The following PDE4B variants were observed in gnomAD, a reference collection of about 807,000 sequenced individuals.
PDE4B encodes the protein 3',5'-cyclic-AMP phosphodiesterase 4B.
A neutral mutation model predicts 82.2 loss-of-function variants in PDE4B; 20 were observed. The ratio of observed to expected loss-of-function variants is 0.24; its 90% CI spans 0.17 to 0.35. PDE4B has a LOEUF of 0.35. Ranked by LOEUF, PDE4B falls within the 10% of genes least tolerant of loss-of-function variation. The pLI is 1.00. For missense variants in PDE4B, 655 were observed against 907.2 expected (o/e 0.72, Z 3.57); for synonymous variants, 320 against 318.9 (o/e 1.00, Z -0.04).
intron 3 of PDE4B, among the ~76,000 whole-genome samples, chr1:66,096,264 C>G (rs1310816020): frequency 6.6e-6 from 1 of 151,584 alleles, no homozygotes; most frequent in Non-Finnish European, 1.5e-5. Context: ...TGAGAACATG[C>G]AGTTTTTAAC....
intron 7 of PDE4B, among the ~76,000 whole-genome samples, chr1:66,289,617 C>T (rs1325773242): frequency 4.0e-5 from 6 of 151,556 alleles, no homozygotes; most frequent in African/African-American, 7.3e-5. Flanking sequence ...GGCCAGGTCT[C>T]GCAGGATCTT....
intron 3 of PDE4B, among the ~76,000 whole-genome samples, chr1:66,172,882 T>G (rs945377272): frequency 6.6e-6 from 1 of 152,240 alleles, no homozygotes; most frequent in Non-Finnish European, 1.5e-5. Flanking sequence ...ACTTATCCAT[T>G]GAAATGGTTG....
At chr1:65,865,534 A>G (rs1181997709) in intron 1 of PDE4B, among the ~76,000 whole-genome samples, 1 of 152,132 alleles carries the variant, frequency 6.6e-6, no homozygotes, top group Non-Finnish European at 1.5e-5. Context: ...GTGTAGGCAC[A>G]TGAGGTAATC....
At chr1:66,189,837 C>G (rs1647590103) in intron 3 of PDE4B, among the ~76,000 whole-genome samples, 1 of 152,218 alleles carries the variant, frequency 6.6e-6, no homozygotes, top group Admixed American at 6.5e-5. Context: ...CTCAACTCAT[C>G]AAAGTCATTC....
chr1:66,141,017 A>T (rs1646159679), intron 3 of PDE4B, among the ~76,000 whole-genome samples: 1 of 152,058 alleles, frequency 6.6e-6, no homozygotes, highest in African/African-American at 2.4e-5. Context: ...CAGATGCAGA[A>T]TTTTTCTAGT....
chr1:65,842,445 A>T (rs1434358901), intron 1 of PDE4B, among the ~76,000 whole-genome samples: 1 of 152,154 alleles, frequency 6.6e-6, no homozygotes, highest in Non-Finnish European at 1.5e-5. Context: ...CATGCAAACA[A>T]CTAAAACATA....
At chr1:65,840,984 A>G (rs1284811021) in intron 1 of PDE4B, among the ~76,000 whole-genome samples, 1 of 152,176 alleles carries the variant, frequency 6.6e-6, no homozygotes, top group Admixed American at 6.6e-5. Context: ...AAATTATTTA[A>G]CAATATTCGA....
intron 3 of PDE4B, among the ~76,000 whole-genome samples, chr1:65,924,076 A>ATTTTTTTTTTTTTTTT (rs1647357789): frequency 6.8e-5 from 1 of 14,650 alleles, no homozygotes; most frequent in African/African-American, 8.6e-5. Context: ...CCAGTTTGCT[A>ATTTTTTTTTTTTTTTT]ATTTTTTTTT....
At chr1:66,176,586 C>G (rs991339912) in intron 3 of PDE4B, among the ~76,000 whole-genome samples, 2 of 152,164 alleles carry the variant, frequency 1.3e-5, no homozygotes, top group African/African-American at 4.8e-5. Flanking sequence ...AAAAGATAAT[C>G]AAGTTATAAA....
chr1:65,878,056 A>G (rs1037210504), intron 1 of PDE4B, among the ~76,000 whole-genome samples: 2 of 152,156 alleles, frequency 1.3e-5, no homozygotes, highest in East Asian at 1.9e-4. Flanking sequence ...AAAACAACCT[A>G]TCAAAAAGTG....
chr1:66,345,094 T>A (rs1326584041), intron 8 of PDE4B, among the ~76,000 whole-genome samples: 1 of 152,204 alleles, frequency 6.6e-6, no homozygotes. Flanking sequence ...GAGGAAGGTC[T>A]TATTGTATCC....
intron 1 of PDE4B, among the ~76,000 whole-genome samples, chr1:65,887,084 G>T (rs1040839157): frequency 6.6e-6 from 1 of 151,488 alleles, no homozygotes; most frequent in African/African-American, 2.4e-5. Context: ...ATATCACATT[G>T]TGGTTTCGAT....
intron 3 of PDE4B, among the ~76,000 whole-genome samples, chr1:65,973,366 A>G (rs540980079): frequency 6.6e-6 from 1 of 152,068 alleles, no homozygotes; most frequent in African/African-American, 2.4e-5. Context: ...GATTTTTAGA[A>G]GAGACATTTT....
chr1:66,090,621 A>ATATATGTGTGTGTGTGTG lies in PDE4B; in HGVS notation c.282-156838_282-156837insATATGTGTGTGTGTGTGT. Among the ~76,000 whole-genome samples, 54 of 122,730 alleles carry ATATATGTGTGTGTGTGTG rather than the reference A, an allele frequency of 4.4e-4. 2 individuals are homozygous for ATATATGTGTGTGTGTGTG. Among genetic ancestry groups the ATATATGTGTGTGTGTGTG allele is most frequent in the African/African-American group, 1.7e-3 (42 of 24,376 alleles). 80.5% of individuals were successfully genotyped at this position (122,730 alleles called of 152,430 possible). ...TTATATATATATATGTATATAATATATGTGTGTGTGTGTGTGTGTATGTAC... is the reference window on the plus strand; with the variant it reads ...TTATATATATATATGTATATAATATATATATGTGTGTGTGTGTGTGTGTGTGTGTGTGTGTGTATGTAC... On this transcript the variant is annotated intron_variant, in intron 3 of 16. Transcript: ENST00000341517.
At chr1:66,214,235 A>C (rs1020140190) in intron 3 of PDE4B, among the ~76,000 whole-genome samples, 2 of 152,232 alleles carry the variant, frequency 1.3e-5, no homozygotes, top group Non-Finnish European at 2.9e-5. Flanking sequence ...ATCTGGGATT[A>C]GTACTATTTA....
intron 3 of PDE4B, among the ~76,000 whole-genome samples, chr1:65,940,347 G>A (rs2100544427): frequency 6.6e-6 from 1 of 151,448 alleles, no homozygotes; most frequent in Admixed American, 6.6e-5. Context: ...GTAGAGGGAG[G>A]GAGCAATTAG....
intron 3 of PDE4B, among the ~76,000 whole-genome samples, chr1:65,953,929 C>T (rs904824846): frequency 1.2e-4 from 18 of 151,882 alleles, no homozygotes; most frequent in African/African-American, 3.4e-4. Context: ...GATGGAGTCT[C>T]GCTCTGTTGC....
intron 3 of PDE4B, among the ~76,000 whole-genome samples, chr1:66,203,522 A>G (rs1649224784): frequency 1.3e-5 from 2 of 152,132 alleles, no homozygotes; most frequent in Non-Finnish European, 2.9e-5. Context: ...ATAGTCCCAT[A>G]TGTCTTGGAG....
chr1:66,087,003 A>C (rs766133203), intron 3 of PDE4B, among the ~76,000 whole-genome samples: 7 of 152,160 alleles, frequency 4.6e-5, no homozygotes, highest in Non-Finnish European at 8.8e-5. Context: ...CTGCATGTAC[A>C]AGGGCATGGA....
Sources: gnomAD v4.1 joint callset for allele counts (sites outside exome capture counted in the v4.1 genomes callset) on GRCh38, gnomAD v4.1.1 for gene constraint, MANE v1.5 for transcripts, NCBI Gene and HGNC (gene_info 2026-07-23, HGNC 2026-07-21) for gene names.